Variants in ERICH6B observed in about 807,000 individuals in gnomAD.
ERICH6B encodes glutamate rich 6B, also known as glutamate-rich protein 6B.
A neutral mutation model predicts 80.0 loss-of-function variants in ERICH6B; 69 were observed. The ratio of observed to expected loss-of-function variants is 0.86; its 90% CI spans 0.71 to 1.05. The LOEUF is 1.05. Ranked by LOEUF, ERICH6B falls within the 50% of genes least tolerant of loss-of-function variation. ERICH6B has a pLI of 0.00. For missense variants in ERICH6B, 754 were observed against 796.1 expected (o/e 0.95, Z 0.64); for synonymous variants, 283 against 291.9 (o/e 0.97, Z 0.31).
intron 3 of ERICH6B, among the ~76,000 whole-genome samples, chr13:45,595,528 T>G (rs1349233240): frequency 1.3e-5 from 2 of 151,560 alleles, no homozygotes; most frequent in African/African-American, 4.8e-5. Flanking sequence ...TATAAATATA[T>G]GTGTGTGTGT....
At chr13:45,575,527 T>C (rs1875363541) in intron 7 of ERICH6B, among the ~76,000 whole-genome samples, 1 of 152,198 alleles carries the variant, frequency 6.6e-6, no homozygotes, top group Non-Finnish European at 1.5e-5. Context: ...CTTTAGATTT[T>C]GTTCCGAGGG....
intron 13 of ERICH6B, among the ~76,000 whole-genome samples, chr13:45,545,879 T>A (rs1229974261): frequency 6.6e-6 from 1 of 152,224 alleles, no homozygotes. Context: ...GCTCTGGGCA[T>A]GTCCCTGGCT....
chr13:45,597,753 T>C (rs1445656532), intron 2 of ERICH6B, among the ~76,000 whole-genome samples: 1 of 152,246 alleles, frequency 6.6e-6, no homozygotes, highest in East Asian at 1.9e-4. Flanking sequence ...AAGTAACTAT[T>C]TTGCTATATT....
chr13:45,553,331 G>A (rs1874300868), intron 11 of ERICH6B, among the ~76,000 whole-genome samples: 1 of 152,136 alleles, frequency 6.6e-6, no homozygotes, highest in South Asian at 2.1e-4. Context: ...TGGAGGGTTG[G>A]GGCCACGGTG....
At chr13:45,581,009 T>G (rs1235609695) in intron 5 of ERICH6B, among the ~76,000 whole-genome samples, 1 of 152,152 alleles carries the variant, frequency 6.6e-6, no homozygotes, top group East Asian at 1.9e-4. Context: ...GTATCCCTCC[T>G]GCTGTAGGAA....
intron 2 of ERICH6B, among the ~76,000 whole-genome samples, chr13:45,602,171 G>C (rs1376082377): frequency 1.3e-5 from 2 of 152,190 alleles, no homozygotes; most frequent in Non-Finnish European, 2.9e-5. Context: ...GGTCCTAGTG[G>C]CTGGGTCCCA....
chr13:45,549,121 T>G (rs1195557151), intron 13 of ERICH6B, among the ~76,000 whole-genome samples: 6 of 152,016 alleles, frequency 3.9e-5, no homozygotes, highest in Non-Finnish European at 1.5e-5. Flanking sequence ...CCATCTCTAC[T>G]AAAAATACAT....
chr13:45,614,030 C>T (rs1453235852), intron 1 of ERICH6B, among the ~76,000 whole-genome samples: 1 of 152,174 alleles, frequency 6.6e-6, no homozygotes, highest in Non-Finnish European at 1.5e-5. Context: ...GACAGGGCTT[C>T]ACCCTGTCTG....
intron 1 of ERICH6B, among the ~76,000 whole-genome samples, chr13:45,608,680 T>C (rs1949883007): frequency 2.0e-5 from 3 of 152,234 alleles, no homozygotes; most frequent in Non-Finnish European, 2.9e-5. Context: ...GCAGTGGCTA[T>C]TTAAGAAGGA....
At chr13:45,589,767 G>A (rs549994775) in intron 4 of ERICH6B, among the ~76,000 whole-genome samples, 7 of 152,296 alleles carry the variant, frequency 4.6e-5, no homozygotes, top group African/African-American at 7.2e-5. Context: ...GAGTGTCAGC[G>A]ATTGGGGTGA....
intron 7 of ERICH6B, among the ~76,000 whole-genome samples, chr13:45,577,308 G>T (rs1057246680): frequency 9.6e-6 from 1 of 104,424 alleles, no homozygotes; most frequent in African/African-American, 3.8e-5. Context: ...TTTTTGAGAC[G>T]GAGTATCGCT....
At chr13:45,564,883 T>C (rs540437300) in intron 9 of ERICH6B, among the ~76,000 whole-genome samples, 1 of 152,312 alleles carries the variant, frequency 6.6e-6, no homozygotes, top group East Asian at 1.9e-4. Context: ...TTGGGAAGAC[T>C]GGCTGTTCGT....
chr13:45,577,274 A>ACCTTTTTTTTT (rs1566295865), intron 7 of ERICH6B, among the ~76,000 whole-genome samples: 50 of 110,796 alleles, frequency 4.5e-4, no homozygotes, highest in African/African-American at 1.8e-3. Flanking sequence ...TTAAAAACAA[A>ACCTTTTTTTTT]TCTTTTTTTT....
At chr13:45,586,392 A>C (rs970904168) in intron 5 of ERICH6B, among the ~76,000 whole-genome samples, 13 of 152,158 alleles carry the variant, frequency 8.5e-5, no homozygotes, top group African/African-American at 2.9e-4. Context: ...GATCCCACTA[A>C]AGCTGGATTT....
intron 1 of ERICH6B, 148 bp from the exon 2 acceptor site, chr13:45,607,763 G>A (rs1301517354): frequency 6.6e-6 from 1 of 152,068 alleles, no homozygotes; most frequent in Admixed American, 6.5e-5. Context: ...AAGTTCCTTG[G>A]TCAGTAGCTT....
intron 11 of ERICH6B, among the ~76,000 whole-genome samples, chr13:45,553,516 T>C (rs1874308578): frequency 6.6e-6 from 1 of 152,224 alleles, no homozygotes; most frequent in Admixed American, 6.5e-5. Context: ...AAAGCACTCC[T>C]CAAGGTGACA....
At chr13:45,554,477 T>A (rs1419203164) in intron 11 of ERICH6B, among the ~76,000 whole-genome samples, 2 of 152,216 alleles carry the variant, frequency 1.3e-5, no homozygotes, top group Non-Finnish European at 2.9e-5. Flanking sequence ...TATTTGTCAC[T>A]TAGGTCTTAT....
chr13:45,563,891 C>T, intron 9 of ERICH6B, 103 bp from the exon 10 acceptor site: 2 of 1,000,560 alleles, frequency 2.0e-6, no homozygotes, highest in Non-Finnish European at 3.0e-6. Flanking sequence ...GTCTCTTTCG[C>T]AGGTGGAAAT....
At chr13:45,600,220 C>T (rs1029862110) in intron 2 of ERICH6B, among the ~76,000 whole-genome samples, 5 of 152,168 alleles carry the variant, frequency 3.3e-5, no homozygotes, top group East Asian at 3.9e-4. Flanking sequence ...TGCTGCCTCA[C>T]CCTAAGACAG....
Sources: allele counts gnomAD v4.1 joint callset (sites outside exome capture counted in the v4.1 genomes callset), GRCh38; gene constraint gnomAD v4.1.1; transcripts MANE v1.5; gene names NCBI Gene and HGNC (gene_info 2026-07-23, HGNC 2026-07-21).